The following UNC13C variants were observed in gnomAD, a reference collection of about 807,000 sequenced individuals.
UNC13C encodes unc-13 homolog C.
In UNC13C, 174 loss-of-function variants were observed where a neutral mutation model predicts 245.4. That is an observed-to-expected ratio of 0.71 (90% CI 0.63 to 0.80). The LOEUF (loss-of-function observed/expected upper bound fraction) is 0.80, where lower values mean the gene tolerates loss of function less well. Ranked by LOEUF, UNC13C falls within the 30% of genes least tolerant of loss-of-function variation. The probability of loss-of-function intolerance (pLI) is 0.00; values close to 1 mark genes in which losing one functional copy is unlikely to be tolerated. For synonymous variants in UNC13C, 992 were observed against 895.1 expected, an observed-to-expected ratio of 1.11 and a Z score of -1.93; for missense variants, 2,829 against 2,602.9, an observed-to-expected ratio of 1.09 and a Z score of -1.89.
chr15:54,604,896 C>T (rs1899675932), intron 30 of UNC13C, among the ~76,000 whole-genome samples: 1 of 152,072 alleles, frequency 6.6e-6, no homozygotes, highest in South Asian at 2.1e-4. Context: ...TGGTCTGGAC[C>T]CAGACCTACC....
At chr15:53,891,355 G>A in the UNC13C span, among the ~76,000 whole-genome samples, 3 of 152,168 alleles carry the variant, frequency 2.0e-5, no homozygotes, top group Admixed American at 1.3e-4. Context: ...TTGGGGTGGA[G>A]AGTTCTGTGC....
chr15:54,424,716 A>T (rs1370855694), intron 19 of UNC13C, among the ~76,000 whole-genome samples: 1 of 151,704 alleles, frequency 6.6e-6, no homozygotes, highest in African/African-American at 2.4e-5. Flanking sequence ...CAATAGAATT[A>T]GGGGCAAGAA....
the UNC13C span, among the ~76,000 whole-genome samples, chr15:53,959,505 A>G: frequency 3.9e-5 from 6 of 151,972 alleles, no homozygotes; most frequent in Non-Finnish European, 8.8e-5. Flanking sequence ...CTTATTTCTT[A>G]TCCTTGTTCA....
chr15:54,490,176 G>A (rs1311095076), intron 19 of UNC13C, among the ~76,000 whole-genome samples: 2 of 152,146 alleles, frequency 1.3e-5, no homozygotes, highest in African/African-American at 4.8e-5. Flanking sequence ...CAAAGAGGCT[G>A]GTAAAACCCT....
At chr15:53,985,265 A>G (rs571347360) in intron 1 of UNC13C, among the ~76,000 whole-genome samples, 41 of 151,944 alleles carry the variant, frequency 2.7e-4, no homozygotes, top group African/African-American at 9.9e-4. Context: ...TGTCCCTGCA[A>G]AGTACATGAA....
chr15:54,546,059 G>C (rs1896469094), intron 26 of UNC13C, among the ~76,000 whole-genome samples: 1 of 152,114 alleles, frequency 6.6e-6, no homozygotes, highest in African/African-American at 2.4e-5. Context: ...ATCAAAACTT[G>C]GAACCAACCC....
At chr15:54,066,649 G>A (rs927259159) in intron 2 of UNC13C, among the ~76,000 whole-genome samples, 1 of 152,146 alleles carries the variant, frequency 6.6e-6, no homozygotes, top group South Asian at 2.1e-4. Flanking sequence ...CACGTGTTAT[G>A]CCTTCAGAAG....
chr15:54,416,330 G>A (rs1373173446), intron 19 of UNC13C, among the ~76,000 whole-genome samples: 1 of 152,046 alleles, frequency 6.6e-6, no homozygotes, highest in Non-Finnish European at 1.5e-5. Flanking sequence ...GTTGCAGAGG[G>A]AACATTCAGT....
At chr15:54,239,699 AC>A (rs1460731262) in intron 7 of UNC13C, among the ~76,000 whole-genome samples, 1 of 151,864 alleles carries the variant, frequency 6.6e-6, no homozygotes, top group Non-Finnish European at 1.5e-5. Flanking sequence ...CAGTTCTTCC[AC>A]CTCAGCCTCC....
intron 25 of UNC13C, among the ~76,000 whole-genome samples, chr15:54,528,455 A>G (rs1282213745): frequency 6.6e-6 from 1 of 151,906 alleles, no homozygotes; most frequent in Non-Finnish European, 1.5e-5. Context: ...GAAAATCTTT[A>G]ATTATTTACT....
At chr15:54,305,138 A>G (rs1484319992) in intron 13 of UNC13C, among the ~76,000 whole-genome samples, 1 of 152,126 alleles carries the variant, frequency 6.6e-6, no homozygotes, top group Non-Finnish European at 1.5e-5. Flanking sequence ...AAGTCAGTAC[A>G]TATTTGCAAT....
At chr15:54,610,592 C>A (rs1004772221) in intron 30 of UNC13C, among the ~76,000 whole-genome samples, 14 of 152,122 alleles carry the variant, frequency 9.2e-5, no homozygotes, top group African/African-American at 3.4e-4. Context: ...ATTTTAATAA[C>A]CACCAAAATA....
chr15:54,151,333 A>C (rs2032505403), intron 4 of UNC13C, among the ~76,000 whole-genome samples: 1 of 152,170 alleles, frequency 6.6e-6, no homozygotes, highest in East Asian at 1.9e-4. Flanking sequence ...AAGAACATGA[A>C]ACCTCAGGAT....
In UNC13C at chr15:54,387,432, T is replaced by A. The variant is rs149638656; in HGVS notation, c.4714-5616T>A. On this transcript the variant is annotated intron_variant, in intron 17 of 32. Transcript: ENST00000260323. The stretch of plus-strand genomic sequence containing the variant: ...GTGCTACTGGGAGTGTCCTTCAGCA[T>A]GTTAATACATTATAATTAGTGTATA... 5.6e-3 allele frequency among the ~76,000 whole-genome samples: 855 copies of A among 152,266 alleles called. 8 individuals are homozygous for A. Among genetic ancestry groups the A allele is most frequent in the Non-Finnish European group, 6.5e-3 (444 of 68,022 alleles).
At chr15:53,858,641 G>A in the UNC13C span, among the ~76,000 whole-genome samples, 2 of 151,782 alleles carry the variant, frequency 1.3e-5, no homozygotes, top group African/African-American at 4.8e-5. Context: ...GGCTGGTCTC[G>A]AACTCCTGAC....
chr15:54,030,944 T>C (rs894429648), intron 2 of UNC13C, among the ~76,000 whole-genome samples: 1 of 152,196 alleles, frequency 6.6e-6, no homozygotes, highest in African/African-American at 2.4e-5. Context: ...AGTTTCAGCA[T>C]GAATTTGAGA....
At chr15:53,999,736 T>C (rs192007899) in intron 1 of UNC13C, among the ~76,000 whole-genome samples, 1 of 152,208 alleles carries the variant, frequency 6.6e-6, no homozygotes, top group African/African-American at 2.4e-5. Flanking sequence ...TTTGGTATGT[T>C]GTTTTTTTAA....
chr15:54,319,757 G>A (rs940267252), intron 13 of UNC13C, among the ~76,000 whole-genome samples: 1 of 118,122 alleles, frequency 8.5e-6, no homozygotes, highest in Non-Finnish European at 1.8e-5. Flanking sequence ...AGTAAGATAT[G>A]AGAGCAAAAT....
At chr15:54,310,770 CTATA>C (rs2037849386) in intron 13 of UNC13C, among the ~76,000 whole-genome samples, 1 of 106,824 alleles carries the variant, frequency 9.4e-6, no homozygotes, top group East Asian at 5.9e-4. Context: ...ATATCTATAT[CTATA>C]TCTATATATA....
Sources: gnomAD v4.1 joint callset for allele counts (sites outside exome capture counted in the v4.1 genomes callset) on GRCh38, gnomAD v4.1.1 for gene constraint, MANE v1.5 for transcripts, NCBI Gene and HGNC (gene_info 2026-07-23, HGNC 2026-07-21) for gene names.